The following LARGE1 variants were observed in gnomAD, a reference collection of about 807,000 sequenced individuals.
LARGE1 encodes LARGE xylosyl- and glucuronyltransferase 1.
In LARGE1, 43 loss-of-function variants were observed where a neutral mutation model predicts 87.6. The observed-to-expected ratio is 0.49, with a 90% CI of 0.38 to 0.63. The LOEUF (loss-of-function observed/expected upper bound fraction) is 0.63, where lower values mean the gene tolerates loss of function less well. Among genes scored for constraint, LARGE1 ranks in the 30% least tolerant of loss-of-function variants. The probability of loss-of-function intolerance (pLI) is 0.00; values close to 1 mark genes in which losing one functional copy is unlikely to be tolerated. For missense variants in LARGE1, 802 were observed against 1,000.2 expected, an observed-to-expected ratio of 0.80 and a Z score of 2.67; for synonymous variants, 434 against 394.6, an observed-to-expected ratio of 1.10 and a Z score of -1.18.
chr22:33,514,018 G>T (rs112399398), intron 6 of LARGE1, among the ~76,000 whole-genome samples: 33 of 152,218 alleles, frequency 2.2e-4, no homozygotes, highest in African/African-American at 7.9e-4. Flanking sequence ...ATGCTGCCCA[G>T]GCTGTAGCCT....
At chr22:33,428,612 C>G (rs929787152) in intron 7 of LARGE1, among the ~76,000 whole-genome samples, 6 of 85,110 alleles carry the variant, frequency 7.0e-5, no homozygotes, top group African/African-American at 4.2e-4. Context: ...CGTGCCTGGC[C>G]TTGTCCTATC....
intron 1 of LARGE1, among the ~76,000 whole-genome samples, chr22:33,877,063 C>A (rs2146722329): frequency 6.6e-6 from 1 of 152,228 alleles, no homozygotes; most frequent in Admixed American, 6.5e-5. Context: ...ATCATCACAT[C>A]CAGTGACCCC....
In LARGE1 at chr22:33,604,558, T is replaced by C; in HGVS notation, c.492A>G (p.Arg164=). The C allele has an allele frequency of 6.2e-7, 1 of 1,613,938 alleles. No individual in the cohort carries two copies. The change falls in exon 5 of 15, where the codon AGA becomes AGG. Residue 164 remains arginine (R), a splice_region_variant and synonymous_variant. Transcript: ENST00000397394. ...VTLVKSVLFH[R]RNPLHFHLIA... is the part of the protein sequence containing the mutation. ...TAAGGTGGAAGTGCAGAGGGTTCCG[T>C]CTGTGGGGAGTGTGAGAAGGAAGGG... is the stretch of plus-strand genomic sequence containing the variant.
intron 1 of LARGE1, among the ~76,000 whole-genome samples, chr22:33,823,519 G>T (rs7289200): frequency 6.6e-6 from 1 of 152,050 alleles, no homozygotes; most frequent in African/African-American, 2.4e-5. Context: ...ACTTGTAACT[G>T]GAAAAGGAAA....
At chr22:33,684,157 T>A (rs999748094) in intron 2 of LARGE1, among the ~76,000 whole-genome samples, 1 of 152,116 alleles carries the variant, frequency 6.6e-6, no homozygotes, top group Non-Finnish European at 1.5e-5. Flanking sequence ...CAGAAATCAT[T>A]GCACGTTGTA....
chr22:33,602,648 AC>A (rs2079142303), intron 5 of LARGE1, among the ~76,000 whole-genome samples: 1 of 151,814 alleles, frequency 6.6e-6, no homozygotes, highest in Non-Finnish European at 1.5e-5. Flanking sequence ...TAGACTGACT[AC>A]AGGTGTGTGC....
chr22:33,111,142 T>C, the LARGE1 span, among the ~76,000 whole-genome samples: 1 of 152,136 alleles, frequency 6.6e-6, no homozygotes, highest in Non-Finnish European at 1.5e-5. Context: ...GTTGTAGTTA[T>C]TATCAAACCT....
At chr22:33,850,751 C>T (rs958301901) in intron 1 of LARGE1, among the ~76,000 whole-genome samples, 14 of 152,016 alleles carry the variant, frequency 9.2e-5, no homozygotes, top group African/African-American at 2.7e-4. Context: ...GGGGATAGGG[C>T]GGAGGGCATA....
At chr22:33,419,419 G>C (rs753958952) in intron 7 of LARGE1, among the ~76,000 whole-genome samples, 32 of 151,800 alleles carry the variant, frequency 2.1e-4, no homozygotes, top group Non-Finnish European at 4.0e-4. Context: ...ATGATCATGA[G>C]AGGGAAACAC....
At chr22:33,524,777 C>T (rs1018466309) in intron 6 of LARGE1, among the ~76,000 whole-genome samples, 2 of 150,232 alleles carry the variant, frequency 1.3e-5, no homozygotes, top group Non-Finnish European at 3.0e-5. Context: ...CAAAACCAAA[C>T]CAAACAAAAA....
chr22:33,490,469 G>T (rs950518570), intron 6 of LARGE1, among the ~76,000 whole-genome samples: 11 of 152,254 alleles, frequency 7.2e-5, no homozygotes, highest in African/African-American at 2.4e-4. Context: ...CATGAAAACG[G>T]CTCAGTAAAC....
At chr22:33,388,454 C>T (rs1003839612) in intron 7 of LARGE1, among the ~76,000 whole-genome samples, 3 of 152,208 alleles carry the variant, frequency 2.0e-5, no homozygotes, top group Admixed American at 2.0e-4. Context: ...TTTTACATTT[C>T]TTTTATTCAT....
the LARGE1 span, among the ~76,000 whole-genome samples, chr22:33,141,119 T>A: frequency 6.6e-6 from 1 of 151,914 alleles, no homozygotes; most frequent in Non-Finnish European, 1.5e-5. Flanking sequence ...TCTACTGAAA[T>A]CTATGGAAAA....
chr22:33,335,052 T>C (rs1395089790), intron 10 of LARGE1, among the ~76,000 whole-genome samples: 1 of 152,238 alleles, frequency 6.6e-6, no homozygotes, highest in African/African-American at 2.4e-5. Context: ...AATGCACTGA[T>C]ACAAATGATT....
chr22:33,273,056 C>T lies in LARGE1; in HGVS notation c.*1371G>A, dbSNP rs546007027. 125 of 197,072 alleles carry T rather than the reference C, an allele frequency of 6.3e-4. No individual in the cohort carries two copies. Among genetic ancestry groups the T allele is most frequent in the African/African-American group, 2.7e-3 (115 of 43,292 alleles). The allele number at this position is 197,072 out of a possible 1,614,324, so 12.2% of individuals were successfully genotyped here. Reference sequence around the variant, plus strand: ...TGTCAAGGTGTGTCTCAGTAGCTTCCTGCAAGAGTGGGAGGGGAATGGGGA... The same window carrying T: ...TGTCAAGGTGTGTCTCAGTAGCTTCTTGCAAGAGTGGGAGGGGAATGGGGA... On this transcript the variant is annotated 3_prime_UTR_variant, in exon 15 of 15. Coordinates refer to ENST00000397394, the MANE Select transcript of LARGE1 (RefSeq NM_133642.5).
chr22:33,633,929 ATTGGAGCCACAAGCT>A (rs2080185333), intron 3 of LARGE1, among the ~76,000 whole-genome samples: 2 of 152,158 alleles, frequency 1.3e-5, no homozygotes, highest in Non-Finnish European at 1.5e-5. Context: ...AGAGACCTCG[ATTGGAGCCACAAGCT>A]CGAAGCTAAG....
intron 2 of LARGE1, among the ~76,000 whole-genome samples, chr22:33,654,606 A>AG (rs1210708768): frequency 6.6e-6 from 1 of 152,180 alleles, no homozygotes; most frequent in African/African-American, 2.4e-5. Context: ...TGGGAGCACA[A>AG]GCAGGAGAGA....
At chr22:33,281,197 T>C (rs1031470239) in intron 13 of LARGE1, among the ~76,000 whole-genome samples, 1 of 152,132 alleles carries the variant, frequency 6.6e-6, no homozygotes, top group Admixed American at 6.5e-5. Context: ...ACCCCAGCTC[T>C]TGTGGCCACA....
chr22:33,562,796 C>A (rs1439347973), intron 6 of LARGE1: 1 of 152,520 alleles, frequency 6.6e-6, no homozygotes, highest in Admixed American at 6.5e-5. Flanking sequence ...TACAGCTCTA[C>A]AATCTCTGAT....
Sources: gnomAD v4.1 joint callset for allele counts (sites outside exome capture counted in the v4.1 genomes callset) on GRCh38, gnomAD v4.1.1 for gene constraint, MANE v1.5 for transcripts, NCBI Gene and HGNC (gene_info 2026-07-23, HGNC 2026-07-21) for gene names.